Variants in HECW2 observed in about 807,000 individuals in gnomAD.
HECW2 encodes the protein E3 ubiquitin-protein ligase HECW2.
Under a neutral mutation model 175.2 loss-of-function variants are expected in HECW2, and 61 were observed. The observed-to-expected ratio is 0.35, with a 90% CI of 0.28 to 0.43. The LOEUF is 0.43. Among genes scored for constraint, HECW2 ranks in the 20% least tolerant of loss-of-function variants. The pLI is 1.00. For synonymous variants in HECW2, 671 were observed against 731.0 expected (o/e 0.92, Z 1.32); for missense variants, 1,524 against 2,000.5 (o/e 0.76, Z 4.54).
At chr2:196,269,506 A>G (rs1182296186) in intron 17 of HECW2, 2 of 150,644 alleles carry the variant, frequency 1.3e-5, no homozygotes, top group South Asian at 2.1e-4. Context: ...CAAAAAAAAA[A>G]AAAAAAAAAA....
chr2:196,445,300 T>C lies in HECW2; in HGVS notation c.-35-11842A>G, dbSNP rs151037772. Among the ~76,000 whole-genome samples, 3 of 152,346 alleles carry C rather than the reference T, an allele frequency of 2.0e-5. No individual in the cohort carries two copies. In the East Asian group the frequency reaches 5.8e-4, roughly 29 times the overall value. On this transcript the variant is annotated intron_variant, in intron 1 of 28. Coordinates refer to ENST00000644978, the MANE Select transcript of HECW2 (RefSeq NM_001348768.2). ...CAACAGTATGAATAAATCTTGACTT[T>C]TCTTTTTTTCCCCCAAACTTGGAGT...
At chr2:196,408,046 G>A (rs1310690854) in intron 2 of HECW2, among the ~76,000 whole-genome samples, 4 of 152,164 alleles carry the variant, frequency 2.6e-5, no homozygotes, top group Non-Finnish European at 5.9e-5. Context: ...CACCTTCTGA[G>A]TCTTTCACTG....
At chr2:196,312,995 T>C (rs928772503) in intron 10 of HECW2, among the ~76,000 whole-genome samples, 1 of 152,136 alleles carries the variant, frequency 6.6e-6, no homozygotes, top group Non-Finnish European at 1.5e-5. Context: ...CCCCCATAGT[T>C]TGAACCCCTC....
chr2:196,320,460 C>T, intron 7 of HECW2, 21 bp from the exon 8 acceptor site: 1 of 1,534,384 alleles, frequency 6.5e-7, no homozygotes. Flanking sequence ...AGAAATGCTT[C>T]TTTCATCCTG....
At chr2:196,267,924 A>G (rs1689576944) in intron 17 of HECW2, among the ~76,000 whole-genome samples, 8 of 152,210 alleles carry the variant, frequency 5.3e-5, no homozygotes, top group Admixed American at 5.2e-4. Context: ...CTATGTTGGT[A>G]CTGGGAGTCC....
chr2:196,275,726 T>TG (rs1204374801), intron 15 of HECW2, among the ~76,000 whole-genome samples: 2 of 151,154 alleles, frequency 1.3e-5, no homozygotes, highest in Non-Finnish European at 2.9e-5. Flanking sequence ...CACTCCTGCC[T>TG]GGCGACAAAG....
intron 2 of HECW2, among the ~76,000 whole-genome samples, chr2:196,392,395 G>C (rs919776974): frequency 2.0e-5 from 3 of 151,998 alleles, no homozygotes; most frequent in Non-Finnish European, 4.4e-5. Context: ...AACCTATCAG[G>C]CTCCTTCTAG....
chr2:196,589,834 T>C (rs1309839623), intron 1 of HECW2, among the ~76,000 whole-genome samples: 2 of 152,208 alleles, frequency 1.3e-5, no homozygotes, highest in East Asian at 3.8e-4. Flanking sequence ...TCTAGATATA[T>C]GGACAGGTGT....
intron 2 of HECW2, among the ~76,000 whole-genome samples, chr2:196,408,233 C>G (rs1389980897): frequency 6.6e-6 from 1 of 152,014 alleles, no homozygotes; most frequent in Non-Finnish European, 1.5e-5. Context: ...TTTTCATGCT[C>G]TGAATGTGGG....
chr2:196,292,518 C>G (rs1421244653), intron 14 of HECW2, 47 bp downstream of exon 14: 2 of 1,538,834 alleles, frequency 1.3e-6, no homozygotes, highest in African/African-American at 2.7e-5. Context: ...AAGCCACAAG[C>G]AGCCCACAGG....
chr2:196,510,168 T>G (rs141859489), intron 1 of HECW2, among the ~76,000 whole-genome samples: 1,611 of 152,246 alleles, frequency 0.011, 33 homozygotes, highest in African/African-American at 0.037. Context: ...CATAGCCATC[T>G]TTACCACCAG....
intron 2 of HECW2, among the ~76,000 whole-genome samples, chr2:196,393,323 C>G (rs552852602): frequency 1.3e-5 from 2 of 152,112 alleles, no homozygotes; most frequent in Non-Finnish European, 2.9e-5. Context: ...AACTAAAGAG[C>G]TTCTGCACAG....
chr2:196,369,457 G>C (rs1352667720), intron 2 of HECW2, among the ~76,000 whole-genome samples: 1 of 151,052 alleles, frequency 6.6e-6, no homozygotes, highest in East Asian at 1.9e-4. Flanking sequence ...GACTGCACTG[G>C]GTCAGACCTG....
Position 196,337,910 on chromosome 2 carries a change from C to T in HECW2, c.401-3392G>A, listed in dbSNP as rs188986670. On this transcript the variant is annotated intron_variant, in intron 3 of 28. Transcript: ENST00000644978. ...GTCATAGATCATGGCAATATAAGGG[C>T]CCCTTTTGATAATCTTCAGGATACA... 2.7e-4 allele frequency among the ~76,000 whole-genome samples: 41 copies of T among 152,208 alleles called. No homozygotes were observed. In the East Asian group the frequency reaches 7.1e-3, roughly 27 times the overall value.
At chr2:196,555,119 A>G (rs1183034636) in intron 1 of HECW2, among the ~76,000 whole-genome samples, 1 of 152,238 alleles carries the variant, frequency 6.6e-6, no homozygotes, top group African/African-American at 2.4e-5. Flanking sequence ...AAGTAAGACT[A>G]AATAAGGAAG....
chr2:196,591,840 G>T (rs1018264367), intron 1 of HECW2, among the ~76,000 whole-genome samples: 1 of 152,042 alleles, frequency 6.6e-6, no homozygotes, highest in African/African-American at 2.4e-5. Context: ...TCCAGATTAG[G>T]CCTTTTATTT....
chr2:196,268,744 G>C (rs1378734786), intron 17 of HECW2, among the ~76,000 whole-genome samples: 1 of 152,190 alleles, frequency 6.6e-6, no homozygotes, highest in African/African-American at 2.4e-5. Flanking sequence ...TTAACTAGTG[G>C]CATGTGTTGG....
rs374470729 is a variant in HECW2, at chr2:196,322,432, A to G, written c.884+46T>C. On this transcript the variant is annotated intron_variant, in intron 7 of 28. Transcript: ENST00000644978. ...ACCAAGTTTCATGTCATTTTTTCCT[A>G]TATGAACTAATCTCAACAAGATCCC... 2.9e-5 allele frequency: 45 copies of G among 1,547,492 alleles called. No homozygotes were observed. In the African/African-American group the frequency reaches 5.1e-4, roughly 18 times the overall value.
intron 1 of HECW2, among the ~76,000 whole-genome samples, chr2:196,585,073 C>G (rs1355894622): frequency 6.6e-6 from 1 of 152,114 alleles, no homozygotes; most frequent in Admixed American, 6.6e-5. Flanking sequence ...ATAATTTTCC[C>G]TTCCTTGTTT....
Sources: gnomAD v4.1 joint callset for allele counts (sites outside exome capture counted in the v4.1 genomes callset) on GRCh38, gnomAD v4.1.1 for gene constraint, MANE v1.5 for transcripts, NCBI Gene and HGNC (gene_info 2026-07-23, HGNC 2026-07-21) for gene names.